AUTS2: variants seen among roughly 807,000 people sequenced by gnomAD.
AUTS2 encodes activator of transcription and developmental regulator AUTS2.
In AUTS2, 17 loss-of-function variants were observed where a neutral mutation model predicts 112.4. That is an observed-to-expected ratio of 0.15 (90% CI 0.10 to 0.23). The LOEUF (loss-of-function observed/expected upper bound fraction) is 0.23. Among genes scored for constraint, AUTS2 ranks in the 10% least tolerant of loss-of-function variants. AUTS2 has a pLI of 1.00. For synonymous variants in AUTS2, 751 were observed against 702.7 expected, an observed-to-expected ratio of 1.07 and a Z score of -1.09; for missense variants, 1,510 against 1,701.6, an observed-to-expected ratio of 0.89 and a Z score of 1.98.
At chr7:70,748,466 G>C (rs1308726919) in intron 6 of AUTS2, among the ~76,000 whole-genome samples, 2 of 152,162 alleles carry the variant, frequency 1.3e-5, no homozygotes, top group Non-Finnish European at 2.9e-5. Flanking sequence ...CATGGCTGGG[G>C]ATAAGTAGAT....
At chr7:70,315,746 C>T (rs1354596719) in intron 4 of AUTS2, among the ~76,000 whole-genome samples, 8 of 152,150 alleles carry the variant, frequency 5.3e-5, no homozygotes, top group Non-Finnish European at 1.2e-4. Flanking sequence ...CATATCCGGT[C>T]GACAATCCAT....
chr7:69,998,577 C>T (rs1799049801), intron 2 of AUTS2, among the ~76,000 whole-genome samples: 1 of 152,184 alleles, frequency 6.6e-6, no homozygotes. Flanking sequence ...TGCATACATG[C>T]ACCTGTTTGT....
Position 70,339,180 on chromosome 7 carries a change from T to C in AUTS2, c.661-96572T>C, listed in dbSNP as rs1267941015. The stretch of plus-strand genomic sequence containing the variant: ...GCCCGGCCTGGCCTCATCTCTTTTT[T>C]TCTTGGTTTTCTCATTTTAAAAACA... On this transcript the variant is annotated intron_variant, in intron 4 of 18. Transcript: ENST00000342771. Among the ~76,000 whole-genome samples, 4 of 152,236 alleles carry C rather than the reference T, an allele frequency of 2.6e-5. No individual in the cohort carries two copies. The East Asian group carries it at 5.8e-4, about 22-fold the overall frequency.
chr7:70,717,379 T>TG (rs531163031), intron 6 of AUTS2, among the ~76,000 whole-genome samples: 16 of 152,094 alleles, frequency 1.1e-4, no homozygotes, highest in Admixed American at 5.9e-4. Flanking sequence ...GATGGGGTCT[T>TG]GCTGTGTTGC....
intron 4 of AUTS2, among the ~76,000 whole-genome samples, chr7:70,196,713 C>T (rs1167188858): frequency 6.6e-6 from 1 of 152,206 alleles, no homozygotes; most frequent in Non-Finnish European, 1.5e-5. Context: ...AATTCACGAA[C>T]AGTGTGAACT....
At chr7:70,723,583 C>T (rs1183947134) in intron 6 of AUTS2, among the ~76,000 whole-genome samples, 3 of 151,790 alleles carry the variant, frequency 2.0e-5, no homozygotes, top group Non-Finnish European at 2.9e-5. Context: ...TACAGATTGT[C>T]AAGTGCATAG....
intron 2 of AUTS2, among the ~76,000 whole-genome samples, chr7:70,078,679 A>G (rs1211471014): frequency 1.3e-5 from 2 of 152,188 alleles, no homozygotes; most frequent in Non-Finnish European, 2.9e-5. Flanking sequence ...TTCACTATCA[A>G]TCCCCCCAAC....
intron 1 of AUTS2, among the ~76,000 whole-genome samples, chr7:69,699,650 T>TG (rs1346778290): frequency 6.7e-6 from 1 of 149,940 alleles, no homozygotes; most frequent in Non-Finnish European, 1.5e-5. Flanking sequence ...TTTTTTTTTT[T>TG]TTTTTTTTTT....
At chr7:69,918,058 G>A (rs1025843765) in intron 2 of AUTS2, among the ~76,000 whole-genome samples, 1 of 152,072 alleles carries the variant, frequency 6.6e-6, no homozygotes, top group Admixed American at 6.5e-5. Context: ...GGCCAGGATG[G>A]TCTTGATTTC....
At chr7:70,065,232 C>G (rs1048283644) in intron 2 of AUTS2, among the ~76,000 whole-genome samples, 1 of 152,076 alleles carries the variant, frequency 6.6e-6, no homozygotes, top group Non-Finnish European at 1.5e-5. Context: ...ATTATTTTTT[C>G]TTTGCCTCCC....
intron 1 of AUTS2, among the ~76,000 whole-genome samples, chr7:69,747,412 T>C (rs1425999155): frequency 5.3e-5 from 8 of 152,364 alleles, no homozygotes; most frequent in South Asian, 2.1e-4. Context: ...AAGTTCTTAG[T>C]AAATGCTGGC....
At position 69,676,821 on chromosome 7, in the gene AUTS2, CTT is replaced by C. The variant is rs11295807; in HGVS notation, c.309+76870_309+76871del. Among the ~76,000 whole-genome samples the C allele has an allele frequency of 7.9e-3, 1,167 of 147,770 alleles. 15 individuals are homozygous for C. Among genetic ancestry groups the C allele is most frequent in the African/African-American group, 0.026 (1,066 of 40,414 alleles). On this transcript the variant is annotated intron_variant, in intron 1 of 18. Transcript: ENST00000342771. ...TGAAACTCTGGTTTTTTTCTTTTTT[CTT>C]TTTTTTTTTTAAAGTATTCTGAAAC...
chr7:69,812,000 G>T (rs1320092364), intron 1 of AUTS2, among the ~76,000 whole-genome samples: 1 of 152,178 alleles, frequency 6.6e-6, no homozygotes, highest in Non-Finnish European at 1.5e-5. Context: ...ATGCAGACCA[G>T]GTGAATGTAG....
At chr7:69,911,728 C>T (rs916457150) in intron 2 of AUTS2, among the ~76,000 whole-genome samples, 1 of 152,082 alleles carries the variant, frequency 6.6e-6, no homozygotes, top group African/African-American at 2.4e-5. Context: ...GGCTGAGTCT[C>T]GGGTTTTTAT....
intron 1 of AUTS2, among the ~76,000 whole-genome samples, chr7:69,617,580 G>A (rs1793446608): frequency 6.6e-6 from 1 of 152,080 alleles, no homozygotes; most frequent in African/African-American, 2.4e-5. Context: ...ACTGAGTGAC[G>A]CCAGAAGCTT....
intron 1 of AUTS2, among the ~76,000 whole-genome samples, chr7:69,874,834 GTTTGT>G (rs948223725): frequency 3.3e-5 from 5 of 151,946 alleles, no homozygotes; most frequent in African/African-American, 1.2e-4. Flanking sequence ...ATTTTTGTTT[GTTTGT>G]TTTGTATTTT....
At chr7:70,007,874 G>A (rs1055725290) in intron 2 of AUTS2, among the ~76,000 whole-genome samples, 2 of 151,984 alleles carry the variant, frequency 1.3e-5, no homozygotes, top group East Asian at 1.9e-4. Flanking sequence ...TACTTACTGC[G>A]CTCTCACCAT....
intron 18 of AUTS2, among the ~76,000 whole-genome samples, chr7:70,787,698 G>A (rs924068379): frequency 2.0e-5 from 3 of 152,208 alleles, no homozygotes; most frequent in Non-Finnish European, 2.9e-5. Flanking sequence ...CTGTTAGCGT[G>A]TCCAAACAGA....
intron 4 of AUTS2, among the ~76,000 whole-genome samples, chr7:70,378,878 G>A (rs1212542846): frequency 1.3e-5 from 2 of 152,194 alleles, no homozygotes; most frequent in Non-Finnish European, 1.5e-5. Context: ...AAAGCTATAA[G>A]TATATGATTC....
Sources: allele counts gnomAD v4.1 joint callset (sites outside exome capture counted in the v4.1 genomes callset), GRCh38; gene constraint gnomAD v4.1.1; transcripts MANE v1.5; gene names NCBI Gene and HGNC (gene_info 2026-07-23, HGNC 2026-07-21).